The following RGP1 variants were observed in gnomAD, a reference collection of about 807,000 sequenced individuals.
RGP1 encodes the protein RGP1 partner of RAB6A GEF complex.
In RGP1, 28 loss-of-function variants were observed where a neutral mutation model predicts 44.5. The ratio of observed to expected loss-of-function variants is 0.63; its 90% CI spans 0.47 to 0.86. RGP1 has a LOEUF of 0.86. Among genes scored for constraint, RGP1 ranks in the 40% least tolerant of loss-of-function variants. The pLI is 0.00. For missense variants in RGP1, 417 were observed against 490.7 expected (o/e 0.85, Z 1.42); for synonymous variants, 212 against 196.7 (o/e 1.08, Z -0.65).
the RGP1 span, among the ~76,000 whole-genome samples, chr9:35,777,057 A>G: frequency 6.7e-6 from 1 of 150,296 alleles, no homozygotes; most frequent in Non-Finnish European, 1.5e-5. Flanking sequence ...CTTGGGCCAG[A>G]TATACCCCAA....
the RGP1 span, among the ~76,000 whole-genome samples, chr9:35,789,412 CCT>C: frequency 2.0e-5 from 3 of 151,590 alleles, no homozygotes; most frequent in Admixed American, 6.6e-5. Flanking sequence ...GATCCCCCCA[CCT>C]CAGCCTCCCA....
At chr9:35,751,814 A>G (rs552801104) in intron 7 of RGP1, 60 bp downstream of exon 7, 7 of 1,609,842 alleles carry the variant, frequency 4.3e-6, no homozygotes, top group African/African-American at 1.3e-5. Context: ...GCTAGGGTGG[A>G]AGGCCTGTAT....
At chr9:35,783,944 C>A in the RGP1 span, among the ~76,000 whole-genome samples, 1 of 152,122 alleles carries the variant, frequency 6.6e-6, no homozygotes, top group Non-Finnish European at 1.5e-5. Context: ...TCCTCATGAG[C>A]GTTTGTTAAT....
At position 35,752,652 on chromosome 9, in the gene RGP1, G is replaced by A. The variant is rs1377389350; in HGVS notation, c.954G>A (p.Val318=). ...SSTPGFCTAI[V]SLKWRLHFEF... is the part of the protein sequence containing the mutation. ...TACCTTAATCTTTTTCTTCCATAGT[G>A]TCCTTGAAGTGGAGATTGCATTTTG... The change falls in exon 9 of 9, where the codon GTG becomes GTA. Residue 318 remains valine (V), a splice_region_variant and synonymous_variant. Transcript: ENST00000378078. 1.9e-6 allele frequency: 3 copies of A among 1,607,006 alleles called. No homozygotes were observed. Among genetic ancestry groups the A allele is most frequent in the African/African-American group, 2.7e-5 (2 of 74,742 alleles).
the RGP1 span, among the ~76,000 whole-genome samples, chr9:35,766,686 A>G: frequency 6.6e-6 from 1 of 152,192 alleles, no homozygotes; most frequent in Non-Finnish European, 1.5e-5. Flanking sequence ...TTCTCACTGC[A>G]CAAAAGACAC....
At chr9:35,782,261 G>A in the RGP1 span, among the ~76,000 whole-genome samples, 10 of 152,078 alleles carry the variant, frequency 6.6e-5, no homozygotes, top group Non-Finnish European at 1.3e-4. Flanking sequence ...TAAAGGTGCC[G>A]TTAGAAAATA....
rs1418501685 is a variant in RGP1, at chr9:35,756,684, TG to T, written c.*3813del. 1 of 152,154 alleles carries T rather than the reference TG, an allele frequency of 6.6e-6. No individual in the cohort carries two copies. Among genetic ancestry groups the T allele is most frequent in the Non-Finnish European group, 1.5e-5 (1 of 68,084 alleles). The allele number at this position is 152,154 out of a possible 1,614,324, so 9.4% of individuals were successfully genotyped here. On this transcript the variant is annotated 3_prime_UTR_variant, in exon 9 of 9. Transcript: ENST00000378078. The stretch of plus-strand genomic sequence containing the variant: ...GGGGACATCCTGGAAGGCTGGGCCC[TG>T]GGCCACCTTCTGCTCTTGCAAGCTA...
the RGP1 span, among the ~76,000 whole-genome samples, chr9:35,778,303 A>G: frequency 6.6e-6 from 1 of 152,148 alleles, no homozygotes; most frequent in Non-Finnish European, 1.5e-5. Flanking sequence ...ATTCTGTGTC[A>G]AAAAAAGGTA....
chr9:35,782,932 C>T, the RGP1 span, among the ~76,000 whole-genome samples: 2 of 151,768 alleles, frequency 1.3e-5, no homozygotes, highest in Non-Finnish European at 2.9e-5. Flanking sequence ...TCTCAGCCTC[C>T]CAAGTAGCTG....
At chr9:35,759,567 C>CAA (rs57938702), downstream of RGP1, among the ~76,000 whole-genome samples, 176 of 38,310 alleles carry the variant, frequency 4.6e-3, 5 homozygotes, top group African/African-American at 5.4e-3. Context: ...ACCCTGTCTC[C>CAA]AAAAAAAAAA....
rs969789771 is a variant in RGP1, at chr9:35,756,160, A to G, written c.*3286A>G. On this transcript the variant is annotated 3_prime_UTR_variant, in exon 9 of 9. Transcript: ENST00000378078. ...AATTGGATTTCTTTCATTTTTCCAC[A>G]CTTCAAAGACCCATGTTCTAGGTAT... The G allele has an allele frequency of 3.3e-5, 5 of 152,146 alleles. No individual in the cohort carries two copies. The highest frequency in any genetic ancestry group is 1.2e-4 in the African/African-American group (5 of 41,406). 9.4% of individuals were successfully genotyped at this position (152,146 alleles called of 1,614,324 possible).
chr9:35,787,387 G>A, the RGP1 span, among the ~76,000 whole-genome samples: 3 of 152,008 alleles, frequency 2.0e-5, no homozygotes, highest in African/African-American at 4.8e-5. Context: ...CTGCCACCAC[G>A]CCCAGGTAAT....
rs1277421751 is a variant in RGP1, at chr9:35,753,113, G to A, written c.*239G>A. 1 of 1,613,966 alleles carries A rather than the reference G, an allele frequency of 6.2e-7. No individual in the cohort carries two copies. Among genetic ancestry groups the A allele is most frequent in the Admixed American group, 1.7e-5 (1 of 60,006 alleles). ...GATCAGTTGAGTTTAGCTGGAGTGG[G>A]GAGCAGGAGCCCCAGGAACAGGGGT... On this transcript the variant is annotated 3_prime_UTR_variant, in exon 9 of 9. Transcript: ENST00000378078. This position sits in a 1 kb window ranked among gnomAD's most constrained non-coding sequence, Gnocchi z 4.2.
In RGP1 at chr9:35,753,864, C is replaced by G. The variant is rs1827316218; in HGVS notation, c.*990C>G. On this transcript the variant is annotated 3_prime_UTR_variant, in exon 9 of 9. Coordinates refer to ENST00000378078, the MANE Select transcript of RGP1 (RefSeq NM_001080496.3). The surrounding 1 kb of genome is among the most constrained non-coding windows in gnomAD (Gnocchi z 4.2). ...GTGGAGACAGTAAGTACGCACTATC[C>G]CCGTATTTAGTTTGTCTTTCCTGTT... 6.6e-7 allele frequency: 1 copy of G among 1,512,108 alleles called. No homozygotes were observed. The highest frequency in any genetic ancestry group is 1.8e-5 in the Admixed American group (1 of 56,260). The allele number at this position is 1,512,108 out of a possible 1,614,324, so 93.7% of individuals were successfully genotyped here. A position where few individuals can be genotyped will look rare whatever the true frequency, so the allele number is the denominator to read the frequency against.
chr9:35,750,119 T>C, intron 2 of RGP1, 124 bp from the exon 3 acceptor site: 1 of 1,369,676 alleles, frequency 7.3e-7, no homozygotes, highest in South Asian at 1.5e-5. Context: ...TTTGGGATTG[T>C]GGATTTCCTG....
At chr9:35,764,483 C>A in the RGP1 span, among the ~76,000 whole-genome samples, 1 of 152,216 alleles carries the variant, frequency 6.6e-6, no homozygotes, top group African/African-American at 2.4e-5. Context: ...TTTTAAATAA[C>A]TGTTTCAAAA....
the RGP1 span, among the ~76,000 whole-genome samples, chr9:35,778,730 G>C: frequency 6.6e-6 from 1 of 152,114 alleles, no homozygotes; most frequent in Admixed American, 6.6e-5. Context: ...CTTCCTGTTT[G>C]CTTTCTCTTA....
At position 35,753,267 on chromosome 9, in the gene RGP1, T is replaced by C. The variant is rs994383232; in HGVS notation, c.*393T>C. The C allele has an allele frequency of 1.2e-6, 2 of 1,613,594 alleles. No individual in the cohort carries two copies. The highest frequency in any genetic ancestry group is 8.5e-7 in the Non-Finnish European group (1 of 1,179,982). On this transcript the variant is annotated 3_prime_UTR_variant, in exon 9 of 9. Coordinates refer to ENST00000378078, the MANE Select transcript of RGP1 (RefSeq NM_001080496.3). This position sits in a 1 kb window ranked among gnomAD's most constrained non-coding sequence, Gnocchi z 4.2. ...ACCTCACACCCAGCCGGGAAGTCGA[T>C]GGGATGCTGGGACCTGGGGAACCAA... is the stretch of plus-strand genomic sequence containing the variant.
rs1414271651 is a variant in RGP1, at chr9:35,753,519, C to T, written c.*645C>T. 6 of 801,060 alleles carry T rather than the reference C, an allele frequency of 7.5e-6. No individual in the cohort carries two copies. In the East Asian group the frequency reaches 1.6e-4, roughly 21 times the overall value. The allele number at this position is 801,060 out of a possible 1,614,324, so 49.6% of individuals were successfully genotyped here. A position where few individuals can be genotyped will look rare whatever the true frequency, so the allele number is the denominator to read the frequency against. ...ATAGCCTGAAGCCTTATCTTTCACA[C>T]TAGTGTTGGTCCCTTCAGGTTTGGC... On this transcript the variant is annotated 3_prime_UTR_variant, in exon 9 of 9. Coordinates refer to ENST00000378078, the MANE Select transcript of RGP1 (RefSeq NM_001080496.3). The surrounding 1 kb of genome is among the most constrained non-coding windows in gnomAD (Gnocchi z 4.2).
Sources: allele counts gnomAD v4.1 joint callset (sites outside exome capture counted in the v4.1 genomes callset), GRCh38; gene constraint gnomAD v4.1.1; non-coding constraint Gnocchi (gnomAD v3.1); transcripts MANE v1.5; gene names NCBI Gene and HGNC (gene_info 2026-07-23, HGNC 2026-07-21).